Variants in FREM3 observed in about 807,000 individuals in gnomAD.
FREM3 encodes FRAS1-related extracellular matrix protein 3.
In FREM3, 105 loss-of-function variants were observed where a neutral mutation model predicts 129.1. The ratio of observed to expected loss-of-function variants is 0.81; its 90% CI spans 0.69 to 0.96. FREM3 has a LOEUF of 0.96. Among genes scored for constraint, FREM3 ranks in the 40% least tolerant of loss-of-function variants. The pLI is 0.00. For missense variants in FREM3, 2,593 were observed against 2,666.3 expected (o/e 0.97, Z 0.61); for synonymous variants, 1,014 against 1,044.9 (o/e 0.97, Z 0.57).
Position 143,695,850 on chromosome 4 carries a change from T to C in FREM3, c.4826A>G (p.Lys1609Arg), listed in dbSNP as rs771835415. ...TTCAGTGGTCTCACTGCCGTCATGC[T>C]TGTAGCTAATCAGGTTCTTGTTCAG... ...QDLNKNLISY[K>R]HDGSETTEDS... Residue 1609 changes from lysine to arginine, a missense_variant, in exon 1 of 8, where the codon AAG becomes AGG. Physicochemically the swap from Lys to Arg is conservative, Grantham distance 26. Coordinates refer to ENST00000329798, the MANE Select transcript of FREM3 (RefSeq NM_001168235.2). The C allele has an allele frequency of 2.0e-6, 3 of 1,537,446 alleles. No homozygotes were observed. Among genetic ancestry groups the C allele is most frequent in the South Asian group, 2.4e-5 (2 of 84,056 alleles).
In FREM3 at chr4:143,585,880, C is replaced by T. The variant is rs78440529; in HGVS notation, c.6142G>A (p.Val2048Met). Residue 2048 changes from valine to methionine, a missense_variant, in exon 7 of 8, where the codon GTG (valine) becomes ATG (methionine). Val to Met is a conservative substitution (Grantham distance 21). Transcript: ENST00000329798. This position sits in a 1 kb window ranked among gnomAD's most constrained non-coding sequence, Gnocchi z 4.2. ...TDLSQPSSIA[V>M]RSRKSEQESA... ...TCCTGCTCTGACTTTCTGGAGCGCACGGCGATGGATGATGGTTGGGAAAGA... is the reference window on the plus strand; with the variant it reads ...TCCTGCTCTGACTTTCTGGAGCGCATGGCGATGGATGATGGTTGGGAAAGA... 2.4e-3 allele frequency: 3,754 copies of T among 1,537,254 alleles called. 73 individuals carry two copies. The African/African-American group carries it at 0.045, about 18-fold the overall frequency.
intron 2 of FREM3, among the ~76,000 whole-genome samples, chr4:143,666,019 A>G (rs1263925953): frequency 2.6e-5 from 4 of 152,126 alleles, no homozygotes; most frequent in Non-Finnish European, 5.9e-5. Flanking sequence ...ACCTTCTAAG[A>G]TTATGCAAAG....
Position 143,695,761 on chromosome 4 carries a change from C to A in FREM3, c.4915G>T (p.Ala1639Ser). 6.5e-7 allele frequency: 1 copy of A among 1,537,296 alleles called. No homozygotes were observed. The highest frequency in any genetic ancestry group is 8.7e-7 in the Non-Finnish European group (1 of 1,146,932). ...HTDFYVLPDT[A>S]LATHKPQVMR... ...ACTTGAGGTTTGTGTGTCGCCAGGGCAGTGTCTGGTAGGACATAGAAATCA... is the reference window on the plus strand; with the variant it reads ...ACTTGAGGTTTGTGTGTCGCCAGGGAAGTGTCTGGTAGGACATAGAAATCA... Residue 1639 changes from alanine to serine, a missense_variant, in exon 1 of 8, where the codon GCC (alanine) becomes TCC (serine). Around this residue, in one of 2 missense-constraint regions of FREM3, gnomAD observed 2,276 missense variants for 2,267.2 expected, o/e 1.00. Coordinates refer to ENST00000329798, the MANE Select transcript of FREM3 (RefSeq NM_001168235.2).
At chr4:143,654,334 C>G (rs1739561754) in intron 2 of FREM3, among the ~76,000 whole-genome samples, 2 of 152,246 alleles carry the variant, frequency 1.3e-5, no homozygotes, top group Non-Finnish European at 2.9e-5. Flanking sequence ...GAACTCCAGG[C>G]CTCAAGTGAT....
At position 143,699,132 on chromosome 4, in the gene FREM3, T is replaced by G. The variant is rs1740640263; in HGVS notation, c.1544A>C (p.Asp515Ala). ...YQHDGSNTYS[D>A]NIIFRMEDGH... is the part of the protein sequence containing the mutation. ...GTCCTCCATCCGGAAGATGATATTG[T>G]CACTGTAGGTGTTGCTGCCATCATG... Residue 515 changes from aspartate to alanine, a missense_variant, in exon 1 of 8, where the codon GAC becomes GCC. This residue lies in a region of FREM3 where 2,276 missense variants were observed against 2,267.2 expected (regional missense o/e 1.00). Transcript: ENST00000329798. This position sits in a 1 kb window ranked among gnomAD's most constrained non-coding sequence, Gnocchi z 4.2. 1 of 1,537,294 alleles carries G rather than the reference T, an allele frequency of 6.5e-7. No individual in the cohort carries two copies. Among genetic ancestry groups the G allele is most frequent in the African/African-American group, 1.4e-5 (1 of 73,020 alleles).
At chr4:143,603,492 C>T (rs773117923) in intron 6 of FREM3, among the ~76,000 whole-genome samples, 4 of 152,124 alleles carry the variant, frequency 2.6e-5, no homozygotes, top group African/African-American at 4.8e-5. Context: ...ATGCCAAATG[C>T]GGTCTGCTCT....
intron 2 of FREM3, among the ~76,000 whole-genome samples, chr4:143,647,894 C>A (rs549041295): frequency 6.6e-6 from 1 of 152,178 alleles, no homozygotes; most frequent in Admixed American, 6.5e-5. Context: ...AAGAAGGCCA[C>A]CATCCTCCAG....
chr4:143,618,323 A>G (rs1738885950), intron 5 of FREM3, among the ~76,000 whole-genome samples: 2 of 152,076 alleles, frequency 1.3e-5, no homozygotes, highest in South Asian at 4.2e-4. Flanking sequence ...TAGCTGGTGC[A>G]CAACTCAGAC....
chr4:143,635,306 CATAAGT>C (rs553054534), intron 2 of FREM3, among the ~76,000 whole-genome samples: 142 of 152,292 alleles, frequency 9.3e-4, no homozygotes, highest in African/African-American at 3.1e-3. Context: ...TAGCTTGAAG[CATAAGT>C]ATAATTTTCA....
intron 5 of FREM3, among the ~76,000 whole-genome samples, chr4:143,619,451 G>A (rs1738908981): frequency 6.6e-6 from 1 of 152,112 alleles, no homozygotes; most frequent in Non-Finnish European, 1.5e-5. Context: ...AATGAACCTG[G>A]CCAGTAACAG....
chr4:143,648,027 G>T (rs900117202), intron 2 of FREM3, among the ~76,000 whole-genome samples: 1 of 152,246 alleles, frequency 6.6e-6, no homozygotes, highest in Non-Finnish European at 1.5e-5. Context: ...ACAGCGCAGA[G>T]CTGTTCAAGG....
chr4:143,685,259 TA>T (rs1740339481), intron 2 of FREM3, among the ~76,000 whole-genome samples: 1 of 152,072 alleles, frequency 6.6e-6, no homozygotes, highest in Admixed American at 6.6e-5. Context: ...AAGCACCAGG[TA>T]ACCTATAAAG....
In FREM3 at chr4:143,697,905, T is replaced by C. The variant is rs1240068347; in HGVS notation, c.2771A>G (p.His924Arg). Residue 924 changes from histidine (H) to arginine (R), a missense_variant, in exon 1 of 8, where the codon CAC becomes CGC. His to Arg is a conservative substitution (Grantham distance 29, BLOSUM62 0). This residue lies in a region of FREM3 where 2,276 missense variants were observed against 2,267.2 expected (regional missense o/e 1.00). Coordinates refer to ENST00000329798, the MANE Select transcript of FREM3 (RefSeq NM_001168235.2). ...TFHLEVSDGV[H>R]HIPITIPISV... ...AATTGGGATGGTGATGGGTATATGG[T>C]GCACCCCATCACTTACTTCCAGATG... 6.5e-7 allele frequency: 1 copy of C among 1,537,800 alleles called. No individual in the cohort carries two copies. The highest frequency in any genetic ancestry group is 8.7e-7 in the Non-Finnish European group (1 of 1,147,078).
intron 2 of FREM3, among the ~76,000 whole-genome samples, chr4:143,667,624 A>G (rs1203995438): frequency 6.6e-6 from 1 of 152,190 alleles, no homozygotes; most frequent in East Asian, 1.9e-4. Flanking sequence ...TGCCATTTTC[A>G]ATCCATCATA....
At position 143,699,070 on chromosome 4, in the gene FREM3, T is replaced by C; in HGVS notation, c.1606A>G (p.Ile536Val). ...HQVDFLFPLTILPVDDEPPMV... is the reference protein window; with the variant it reads ...HQVDFLFPLTVLPVDDEPPMV... ...GGTGGTTCATCATCCACAGGTAGGA[T>C]GGTGAGGGGAAAGAGGAAGTCCACT... The change falls in exon 1 of 8, where the codon ATC (isoleucine) becomes GTC (valine). Residue 536 changes from isoleucine (I) to valine (V), a missense_variant. By Grantham distance (29) the Ile-to-Val change is conservative. Transcript: ENST00000329798. This position sits in a 1 kb window ranked among gnomAD's most constrained non-coding sequence, Gnocchi z 4.2. 6.5e-7 allele frequency: 1 copy of C among 1,537,374 alleles called. No homozygotes were observed. The highest frequency in any genetic ancestry group is 8.7e-7 in the Non-Finnish European group (1 of 1,146,934).
At chr4:143,683,613 A>G (rs755894040) in intron 2 of FREM3, among the ~76,000 whole-genome samples, 6 of 152,204 alleles carry the variant, frequency 3.9e-5, no homozygotes, top group Non-Finnish European at 8.8e-5. Flanking sequence ...GGGACAAGGA[A>G]ATCTCTAGGT....
intron 2 of FREM3, among the ~76,000 whole-genome samples, chr4:143,643,665 G>T (rs1254455983): frequency 6.6e-6 from 1 of 152,044 alleles, no homozygotes; most frequent in Non-Finnish European, 1.5e-5. Context: ...GGGGAGGGCA[G>T]TTGGGAGGGG....
Position 143,699,446 on chromosome 4 carries a change from G to A in FREM3, c.1230C>T (p.Asp410=), listed in dbSNP as rs1740649675. Residue 410 remains aspartate (D), a synonymous_variant, in exon 1 of 8, where the codon GAC becomes GAT. Transcript: ENST00000329798. The surrounding 1 kb of genome is among the most constrained non-coding windows in gnomAD (Gnocchi z 4.2). Reference sequence around the variant, plus strand: ...AGGGGTCTGAGGCGGCGCCGTCTCCGTCCACCACCTCCAGCTCCAGCTGAA... The same window carrying A: ...AGGGGTCTGAGGCGGCGCCGTCTCCATCCACCACCTCCAGCTCCAGCTGAA... ...RLFQLELEVV[D]GDGAASDPFA... is the part of the protein sequence containing the mutation. The A allele has an allele frequency of 3.9e-6, 6 of 1,537,272 alleles. No individual in the cohort carries two copies. The highest frequency in any genetic ancestry group is 1.4e-5 in the African/African-American group (1 of 73,164).
At chr4:143,655,815 A>G (rs1171155817) in intron 2 of FREM3, among the ~76,000 whole-genome samples, 2 of 152,210 alleles carry the variant, frequency 1.3e-5, no homozygotes, top group Non-Finnish European at 2.9e-5. Context: ...GCTAGAGGCT[A>G]TAAGCTTTGA....
Sources: allele counts gnomAD v4.1 joint callset (sites outside exome capture counted in the v4.1 genomes callset), GRCh38; gene constraint gnomAD v4.1.1; regional missense constraint gnomAD v4.1.1; non-coding constraint Gnocchi (gnomAD v3.1); transcripts MANE v1.5; gene names NCBI Gene and HGNC (gene_info 2026-07-23, HGNC 2026-07-21).